The following SLC38A6 variants were observed in gnomAD, a reference collection of about 807,000 sequenced individuals.
SLC38A6 encodes solute carrier family 38 member 6.
SLC38A6 carries 73 observed loss-of-function variants against 65.0 expected under a neutral mutation model. That is an observed-to-expected ratio of 1.12 (90% CI 0.93 to 1.37). The LOEUF (loss-of-function observed/expected upper bound fraction) is 1.37, where lower values mean the gene tolerates loss of function less well. SLC38A6 is among the 40% of genes most tolerant of loss of function. The probability of loss-of-function intolerance (pLI) is 0.00; values close to 1 mark genes in which losing one functional copy is unlikely to be tolerated. For missense variants in SLC38A6, 561 were observed against 531.1 expected, an observed-to-expected ratio of 1.06 and a Z score of -0.55; for synonymous variants, 183 against 178.8, an observed-to-expected ratio of 1.02 and a Z score of -0.19.
intron 8 of SLC38A6, 88 bp from the exon 9 acceptor site, chr14:61,043,059 A>T: frequency 1.2e-6 from 1 of 814,876 alleles, no homozygotes. Flanking sequence ...CATCTTATTT[A>T]ATTGAAATGA....
chr14:60,984,676 A>G, intron 2 of SLC38A6, 54 bp from the exon 3 acceptor site: 2 of 1,515,482 alleles, frequency 1.3e-6, no homozygotes, highest in Non-Finnish European at 1.8e-6. Context: ...ATGAGACACC[A>G]TACAAAAGAC....
intron 3 of SLC38A6, among the ~76,000 whole-genome samples, chr14:61,006,023 G>A (rs936300438): frequency 8.6e-5 from 13 of 151,844 alleles, no homozygotes; most frequent in Admixed American, 2.0e-4. Flanking sequence ...AAATAATGCC[G>A]CATATCTACA....
At chr14:60,986,635 A>T (rs748671740) in intron 3 of SLC38A6, among the ~76,000 whole-genome samples, 2 of 152,370 alleles carry the variant, frequency 1.3e-5, no homozygotes, top group South Asian at 2.1e-4. Flanking sequence ...TAATAGCTTT[A>T]GATAAATATA....
intron 1 of SLC38A6, 62 bp downstream of exon 1, chr14:60,981,444 A>G (rs910015283): frequency 1.3e-6 from 2 of 1,548,144 alleles, no homozygotes; most frequent in African/African-American, 2.7e-5. Context: ...AGTGCCTGCC[A>G]AATAAGACCC....
At chr14:61,047,125 A>G (rs2042198745) in intron 12 of SLC38A6, among the ~76,000 whole-genome samples, 2 of 152,078 alleles carry the variant, frequency 1.3e-5, no homozygotes, top group Admixed American at 6.6e-5. Context: ...TGGCACAAAC[A>G]CTATTATATT....
chr14:61,001,898 A>T (rs2038736140), intron 3 of SLC38A6: 1 of 152,092 alleles, frequency 6.6e-6, no homozygotes, highest in Non-Finnish European at 1.5e-5. Flanking sequence ...TGCCTTTATT[A>T]TACTAGCGCT....
intron 16 of SLC38A6, among the ~76,000 whole-genome samples, chr14:61,080,330 T>C (rs2043593990): frequency 6.6e-6 from 1 of 152,158 alleles, no homozygotes; most frequent in African/African-American, 2.4e-5. Flanking sequence ...GGGGAGAGGC[T>C]CAGCTGAGGG....
intron 16 of SLC38A6, among the ~76,000 whole-genome samples, chr14:61,082,937 C>G (rs1234858492): frequency 2.0e-5 from 3 of 152,192 alleles, no homozygotes; most frequent in African/African-American, 7.2e-5. Flanking sequence ...ACAGTGTTTT[C>G]TCAGTGTCCT....
At chr14:61,079,484 T>TC (rs1369780868) in intron 16 of SLC38A6, among the ~76,000 whole-genome samples, 3 of 152,044 alleles carry the variant, frequency 2.0e-5, no homozygotes, top group African/African-American at 7.2e-5. Context: ...TTTTTCTCTT[T>TC]CCCCTCCAAA....
chr14:61,002,663 A>G (rs983499079), intron 3 of SLC38A6, among the ~76,000 whole-genome samples: 6 of 152,172 alleles, frequency 3.9e-5, no homozygotes, highest in Non-Finnish European at 5.9e-5. Context: ...TCTCGCCAAA[A>G]TATTATAGCA....
chr14:61,066,208 A>G (rs991868040), intron 15 of SLC38A6, among the ~76,000 whole-genome samples: 1 of 152,168 alleles, frequency 6.6e-6, no homozygotes, highest in African/African-American at 2.4e-5. Flanking sequence ...TATTTTTTCC[A>G]TAAGGAGGTA....
At chr14:61,047,867 T>C (rs1261676533) in intron 12 of SLC38A6, among the ~76,000 whole-genome samples, 1 of 151,958 alleles carries the variant, frequency 6.6e-6, no homozygotes, top group East Asian at 1.9e-4. Context: ...GAAATACACA[T>C]CTAAGAAAAT....
intron 3 of SLC38A6, chr14:61,004,703 C>A (rs1426006630): frequency 6.6e-5 from 10 of 152,230 alleles, no homozygotes; most frequent in Admixed American, 3.9e-4. Context: ...CAATAGCTTA[C>A]CAACCAAAAA....
At chr14:61,023,608 C>A (rs989647636) in intron 5 of SLC38A6, among the ~76,000 whole-genome samples, 1 of 148,754 alleles carries the variant, frequency 6.7e-6, no homozygotes, top group Non-Finnish European at 1.5e-5. Context: ...TATACACACA[C>A]ACACACACAC....
At chr14:61,015,858 A>C (rs377273634) in intron 3 of SLC38A6, 46 bp from the exon 4 acceptor site, 2 of 1,505,144 alleles carry the variant, frequency 1.3e-6, no homozygotes, top group Middle Eastern at 1.7e-4. Context: ...GACCTGACAC[A>C]TAAATAGTTT....
At chr14:61,046,631 A>G (rs1033762020) in intron 12 of SLC38A6, among the ~76,000 whole-genome samples, 1 of 152,176 alleles carries the variant, frequency 6.6e-6, no homozygotes, top group Admixed American at 6.5e-5. Context: ...CTTCAGATCT[A>G]ATTATCACAG....
chr14:60,982,532 G>C lies in SLC38A6; in HGVS notation c.130G>C (p.Gly44Arg), dbSNP rs1232964301. The C allele has an allele frequency of 6.2e-7, 1 of 1,612,624 alleles. No homozygotes were observed. Among genetic ancestry groups the C allele is most frequent in the Non-Finnish European group, 8.5e-7 (1 of 1,179,696 alleles). ...SNELHRQRSP[G>R]VSFGLSVFNL... ...GGAACTTCACAGACAGCGATCCCCA[G>C]GTGTTTCATTTGGTTTATCAGTGTT... The change falls in exon 2 of 16, where the codon GGT (glycine) becomes CGT (arginine). Residue 44 changes from glycine to arginine, a missense_variant. Physicochemically the swap from Gly to Arg is moderately radical, Grantham distance 125 (BLOSUM62 -2). Transcript: ENST00000267488.
At chr14:61,013,757 G>T (rs1260075742) in intron 3 of SLC38A6, among the ~76,000 whole-genome samples, 2 of 152,202 alleles carry the variant, frequency 1.3e-5, no homozygotes, top group Admixed American at 6.5e-5. Flanking sequence ...GAGATCAGCT[G>T]TTAGTCTGAT....
intron 3 of SLC38A6, among the ~76,000 whole-genome samples, chr14:60,988,932 T>A (rs1280163203): frequency 6.6e-6 from 1 of 152,228 alleles, no homozygotes; most frequent in Non-Finnish European, 1.5e-5. Flanking sequence ...TAATTCAACG[T>A]CTAGTGTACC....
Sources: allele counts gnomAD v4.1 joint callset (sites outside exome capture counted in the v4.1 genomes callset), GRCh38; gene constraint gnomAD v4.1.1; transcripts MANE v1.5; gene names NCBI Gene and HGNC (gene_info 2026-07-23, HGNC 2026-07-21).